PTPRN2: variants seen among roughly 807,000 people sequenced by gnomAD.
The protein encoded by PTPRN2 is receptor-type tyrosine-protein phosphatase N2.
In PTPRN2, 74 loss-of-function variants were observed where a neutral mutation model predicts 118.8. The observed-to-expected ratio is 0.62, with a 90% CI of 0.52 to 0.76. The LOEUF (loss-of-function observed/expected upper bound fraction) is 0.76, where lower values mean the gene tolerates loss of function less well. PTPRN2 is among the 30% of genes least tolerant of loss of function. The pLI, the probability that PTPRN2 is intolerant of heterozygous loss-of-function variation, is 0.00. For missense variants in PTPRN2, 1,481 were observed against 1,394.4 expected, an observed-to-expected ratio of 1.06 and a Z score of -0.99; for synonymous variants, 641 against 608.0, an observed-to-expected ratio of 1.05 and a Z score of -0.80.
intron 3 of PTPRN2, among the ~76,000 whole-genome samples, chr7:158,307,794 T>G (rs759313160): frequency 2.4e-4 from 36 of 152,160 alleles, no homozygotes; most frequent in Non-Finnish European, 4.3e-4. Context: ...AGGAGGAAAC[T>G]GGGTCATGAG....
chr7:158,111,007 G>A, intron 9 of PTPRN2, 92 bp from the exon 10 acceptor site: 1 of 1,081,848 alleles, frequency 9.2e-7, no homozygotes, highest in South Asian at 1.4e-5. Context: ...CCGCTCCCTG[G>A]TCCCCACACA....
At position 158,555,070 on chromosome 7, in the gene PTPRN2, C is replaced by T. The variant is rs1315201412; in HGVS notation, c.112+32488G>A. On this transcript the variant is annotated intron_variant, in intron 1 of 22. Coordinates refer to ENST00000389418, the MANE Select transcript of PTPRN2 (RefSeq NM_002847.5). The surrounding 1 kb of genome is among the most constrained non-coding windows in gnomAD (Gnocchi z 4.7). ...GAGGCTGCCCACAGCAAGCCTGATA[C>T]AGAGTCACACACCAGATGCACATTA... 6.6e-6 allele frequency among the ~76,000 whole-genome samples: 1 copy of T among 152,200 alleles called. No individual in the cohort carries two copies. Among genetic ancestry groups the T allele is most frequent in the East Asian group, 1.9e-4 (1 of 5,188 alleles).
intron 6 of PTPRN2, among the ~76,000 whole-genome samples, chr7:158,158,238 C>G (rs541257287): frequency 7.2e-4 from 109 of 152,174 alleles, no homozygotes; most frequent in Non-Finnish European, 1.2e-3. Flanking sequence ...GCATTGGTAT[C>G]AGTTATTTCT....
intron 3 of PTPRN2, among the ~76,000 whole-genome samples, chr7:158,278,167 G>A (rs1799160203): frequency 6.6e-6 from 1 of 152,144 alleles, no homozygotes; most frequent in African/African-American, 2.4e-5. Context: ...CATTCCTAGA[G>A]CCAGAAGGAT....
chr7:158,294,503 C>T (rs146375318), intron 3 of PTPRN2, among the ~76,000 whole-genome samples: 184 of 152,322 alleles, frequency 1.2e-3, no homozygotes, highest in Middle Eastern at 3.4e-3. Flanking sequence ...TCCATTTCTT[C>T]CATCTACTCA....
chr7:157,632,524 G>A lies in PTPRN2; in HGVS notation c.2197-11015C>T, dbSNP rs1041774428. 5.9e-5 allele frequency among the ~76,000 whole-genome samples: 9 copies of A among 152,234 alleles called. No homozygotes were observed. The South Asian group carries it at 1.2e-3, about 21-fold the overall frequency. ...CTCTTACTAAGTAGGGGAAAGTCTT[G>A]TTCTTTCATACGATTGATGGATTGT... is the stretch of plus-strand genomic sequence containing the variant. On this transcript the variant is annotated intron_variant, in intron 14 of 22. Coordinates refer to ENST00000389418, the MANE Select transcript of PTPRN2 (RefSeq NM_002847.5). The surrounding 1 kb of genome is among the most constrained non-coding windows in gnomAD (Gnocchi z 4.3).
chr7:158,076,428 C>T (rs1347250015), intron 11 of PTPRN2, among the ~76,000 whole-genome samples: 7 of 152,212 alleles, frequency 4.6e-5, no homozygotes, highest in South Asian at 2.1e-4. Context: ...AGATGAGGAA[C>T]GTCTGCCGCT....
chr7:158,146,879 G>C (rs902648372), intron 6 of PTPRN2, among the ~76,000 whole-genome samples: 1 of 151,870 alleles, frequency 6.6e-6, no homozygotes, highest in Non-Finnish European at 1.5e-5. Context: ...ACAGTTTACA[G>C]GGAAAATACA....
At position 158,546,754 on chromosome 7, in the gene PTPRN2, G is replaced by A. The variant is rs1826312046; in HGVS notation, c.112+40804C>T. On this transcript the variant is annotated intron_variant, in intron 1 of 22. Transcript: ENST00000389418. This position sits in a 1 kb window ranked among gnomAD's most constrained non-coding sequence, Gnocchi z 5.0. ...GCCTGGGAGGCCCGGTCACCCCACG[G>A]CCAGCGCCTGCCAAGTTCTTGTGAG... Among the ~76,000 whole-genome samples the A allele has an allele frequency of 6.6e-6, 1 of 152,238 alleles. No individual in the cohort carries two copies. The highest frequency in any genetic ancestry group is 1.5e-5 in the Non-Finnish European group (1 of 68,032).
At chr7:158,071,402 GGTGGAGTTGCTCC>G in intron 11 of PTPRN2, among the ~76,000 whole-genome samples, 2 of 102,882 alleles carry the variant, frequency 1.9e-5, no homozygotes, top group South Asian at 3.3e-4. Flanking sequence ...AGGTGCTCGT[GGTGGAGTTGCTCC>G]TGGTGGTGGA....
chr7:157,726,083 TG>T, intron 12 of PTPRN2, among the ~76,000 whole-genome samples: 1 of 31,698 alleles, frequency 3.2e-5, no homozygotes, highest in African/African-American at 1.4e-4. Context: ...CAGAGGAGTG[TG>T]GCCAGACCCT....
At chr7:157,728,305 T>C (rs1014701065) in intron 12 of PTPRN2, among the ~76,000 whole-genome samples, 12 of 152,250 alleles carry the variant, frequency 7.9e-5, no homozygotes, top group African/African-American at 2.7e-4. Flanking sequence ...AGGGCTGCTG[T>C]TGCACCCCAA....
chr7:158,352,055 C>G (rs368659686), intron 2 of PTPRN2, among the ~76,000 whole-genome samples: 14 of 113,222 alleles, frequency 1.2e-4, no homozygotes, highest in African/African-American at 2.5e-4. Flanking sequence ...CTGACCGCTC[C>G]CCTCCTGTCC....
Position 158,070,981 on chromosome 7 carries a change from C to T in PTPRN2, c.1723+10317G>A, listed in dbSNP as rs866902851. Among the ~76,000 whole-genome samples, 41 of 58,256 alleles carry T rather than the reference C, an allele frequency of 7.0e-4. 3 individuals carry two copies. Among genetic ancestry groups the T allele is most frequent in the East Asian group, 2.4e-3 (5 of 2,124 alleles). 38.2% of individuals were successfully genotyped at this position (58,256 alleles called of 152,430 possible). On this transcript the variant is annotated intron_variant, in intron 11 of 22. Coordinates refer to ENST00000389418, the MANE Select transcript of PTPRN2 (RefSeq NM_002847.5). ...GTGGAGGTGCTCACGGTGGAGGTGCCCGTGGTGGTGGAGGTGCTCATGGTG... is the reference window on the plus strand; with the variant it reads ...GTGGAGGTGCTCACGGTGGAGGTGCTCGTGGTGGTGGAGGTGCTCATGGTG...
chr7:158,081,346 T>C lies in PTPRN2; in HGVS notation c.1675A>G (p.Ser559Gly). 1.9e-6 allele frequency: 3 copies of C among 1,614,202 alleles called. No homozygotes were observed. Among genetic ancestry groups the C allele is most frequent in the Non-Finnish European group, 2.5e-6 (3 of 1,180,032 alleles). ...VLGPAVTFKV[S>G]ANVQNVTTED... ...GTGGTCACGTTTTGGACATTGGCGC[T>C]CACTTTGAAGGTCACTGCTGGTCCG... is the stretch of plus-strand genomic sequence containing the variant. The change falls in exon 11 of 23, where the codon AGC (serine) becomes GGC (glycine). Residue 559 changes from serine to glycine, a missense_variant. Transcript: ENST00000389418.
intron 2 of PTPRN2, among the ~76,000 whole-genome samples, chr7:158,368,179 G>A (rs1037470400): frequency 6.6e-6 from 1 of 152,168 alleles, no homozygotes; most frequent in African/African-American, 2.4e-5. Flanking sequence ...AACGTTTACA[G>A]TACAGGTTGA....
chr7:158,164,359 GCAC>G, intron 6 of PTPRN2, among the ~76,000 whole-genome samples: 1 of 40,726 alleles, frequency 2.5e-5, no homozygotes, highest in East Asian at 1.3e-3. Flanking sequence ...CGTAAGAAGG[GCAC>G]GCAGAGCAGG....
chr7:158,275,856 T>TC (rs1186531392), intron 3 of PTPRN2, among the ~76,000 whole-genome samples: 1 of 152,102 alleles, frequency 6.6e-6, no homozygotes, highest in Non-Finnish European at 1.5e-5. Context: ...CATCAGCCCC[T>TC]CAGGGACAAC....
At chr7:157,891,034 G>C (rs1796769797) in intron 12 of PTPRN2, among the ~76,000 whole-genome samples, 1 of 152,006 alleles carries the variant, frequency 6.6e-6, no homozygotes, top group Non-Finnish European at 1.5e-5. Flanking sequence ...CTCTTCACCT[G>C]TGGGCAAAGG....
Sources: gnomAD v4.1 joint callset for allele counts (sites outside exome capture counted in the v4.1 genomes callset) on GRCh38, gnomAD v4.1.1 for gene constraint, Gnocchi (gnomAD v3.1) non-coding constraint, MANE v1.5 for transcripts, NCBI Gene and HGNC (gene_info 2026-07-23, HGNC 2026-07-21) for gene names.